The following TNKS variants were observed in gnomAD, a reference collection of about 807,000 sequenced individuals.
TNKS encodes poly [ADP-ribose] polymerase tankyrase-1.
Under a neutral mutation model 135.8 loss-of-function variants are expected in TNKS, and 72 were observed. That is an observed-to-expected ratio of 0.53 (90% CI 0.44 to 0.64). The LOEUF is 0.64. Among genes scored for constraint, TNKS ranks in the 30% least tolerant of loss-of-function variants. The probability of loss-of-function intolerance (pLI) is 0.00; values close to 1 mark genes in which losing one functional copy is unlikely to be tolerated. For synonymous variants in TNKS, 849 were observed against 649.3 expected, an observed-to-expected ratio of 1.31 and a Z score of -4.68; for missense variants, 1,769 against 1,674.0, an observed-to-expected ratio of 1.06 and a Z score of -0.99.
chr8:9,722,775 C>G (rs1370670922), intron 12 of TNKS, among the ~76,000 whole-genome samples: 5 of 152,014 alleles, frequency 3.3e-5, no homozygotes, highest in South Asian at 2.1e-4. Context: ...TATGTTTTAA[C>G]CATAAGTCAG....
At chr8:9,638,119 C>T (rs998055551) in intron 3 of TNKS, among the ~76,000 whole-genome samples, 6 of 152,138 alleles carry the variant, frequency 3.9e-5, no homozygotes, top group African/African-American at 1.2e-4. Flanking sequence ...AGACTATGGG[C>T]GTACGCCACT....
At chr8:9,735,952 T>C (rs1293092471) in intron 17 of TNKS, among the ~76,000 whole-genome samples, 1 of 152,016 alleles carries the variant, frequency 6.6e-6, no homozygotes, top group Non-Finnish European at 1.5e-5. Context: ...TTTTGGTGTA[T>C]CTTCCCGGCT....
intron 13 of TNKS, among the ~76,000 whole-genome samples, chr8:9,729,570 T>C (rs1805323509): frequency 6.6e-6 from 1 of 152,130 alleles, no homozygotes; most frequent in Non-Finnish European, 1.5e-5. Flanking sequence ...GCAGAAAGAC[T>C]AAGAGGTTAA....
chr8:9,694,504 G>A (rs1401794434), intron 5 of TNKS, among the ~76,000 whole-genome samples: 5 of 152,138 alleles, frequency 3.3e-5, no homozygotes, highest in Admixed American at 2.6e-4. Context: ...GCTCACACCT[G>A]TAATCCCAGC....
intron 6 of TNKS, among the ~76,000 whole-genome samples, chr8:9,704,978 G>C (rs1408348518): frequency 6.6e-6 from 1 of 152,044 alleles, no homozygotes; most frequent in African/African-American, 2.4e-5. Flanking sequence ...TCACCGTTCT[G>C]TTACTTGAAG....
At chr8:9,673,442 A>ATTT (rs71201963) in intron 3 of TNKS, among the ~76,000 whole-genome samples, 14 of 125,398 alleles carry the variant, frequency 1.1e-4, no homozygotes, top group East Asian at 2.4e-4. Context: ...TACCTTTTGG[A>ATTT]TTTTTTTTTT....
intron 3 of TNKS, among the ~76,000 whole-genome samples, chr8:9,643,658 G>A (rs1289480549): frequency 1.3e-5 from 2 of 152,208 alleles, no homozygotes; most frequent in East Asian, 1.9e-4. Context: ...TGGGCCCCTT[G>A]AGCACTGTTG....
chr8:9,701,559 AAG>A (rs1450390780), intron 5 of TNKS, among the ~76,000 whole-genome samples: 1 of 152,246 alleles, frequency 6.6e-6, no homozygotes, highest in Non-Finnish European at 1.5e-5. Context: ...AAGATAGAAT[AAG>A]AGGGACTAGA....
chr8:9,654,170 T>C (rs34641612), intron 3 of TNKS, among the ~76,000 whole-genome samples: 65 of 152,308 alleles, frequency 4.3e-4, no homozygotes, highest in African/African-American at 1.4e-3. Context: ...GGTGCTGTGA[T>C]TGGGAACTGC....
intron 20 of TNKS, among the ~76,000 whole-genome samples, chr8:9,758,779 C>G (rs1806986287): frequency 6.6e-6 from 1 of 152,214 alleles, no homozygotes; most frequent in Non-Finnish European, 1.5e-5. Flanking sequence ...TGGAGTATTA[C>G]TTACCTGCTG....
chr8:9,687,691 G>A (rs2128800245), intron 5 of TNKS, among the ~76,000 whole-genome samples: 1 of 152,238 alleles, frequency 6.6e-6, no homozygotes, highest in Admixed American at 6.5e-5. Context: ...CCTCTATTTA[G>A]CCACTCTCCT....
At chr8:9,697,144 C>G (rs1803555001) in intron 5 of TNKS, among the ~76,000 whole-genome samples, 1 of 152,094 alleles carries the variant, frequency 6.6e-6, no homozygotes, top group Non-Finnish European at 1.5e-5. Context: ...AGAAATTAAG[C>G]CACATACCTA....
intron 3 of TNKS, among the ~76,000 whole-genome samples, chr8:9,630,798 T>A (rs79572342): frequency 0.04 from 6,040 of 152,264 alleles, 334 homozygotes; most frequent in African/African-American, 0.13. Flanking sequence ...AAATAACATA[T>A]CAAGAAAGAG....
chr8:9,619,117 T>A (rs1799764130), intron 3 of TNKS, among the ~76,000 whole-genome samples: 1 of 152,224 alleles, frequency 6.6e-6, no homozygotes, highest in Non-Finnish European at 1.5e-5. Context: ...GTGTGCTTCA[T>A]CACATTCAGT....
At position 9,756,644 on chromosome 8, in the gene TNKS, C is replaced by A. The variant is rs979182130; in HGVS notation, c.3153+4018C>A. Among the ~76,000 whole-genome samples, 3 of 152,112 alleles carry A rather than the reference C, an allele frequency of 2.0e-5. No individual in the cohort carries two copies. In the East Asian group the frequency reaches 5.8e-4, roughly 29 times the overall value. On this transcript the variant is annotated intron_variant, in intron 20 of 26. Transcript: ENST00000310430. ...AGCAACATGTCTAAAATCCAACTAA[C>A]CTGCTTTCCATCCAGATATTTCTAT...
chr8:9,658,532 G>C, intron 3 of TNKS: 1 of 407,538 alleles, frequency 2.5e-6, no homozygotes, highest in Non-Finnish European at 4.2e-6. Flanking sequence ...ACAAGCAAAT[G>C]CTGAGAGATT....
intron 13 of TNKS, among the ~76,000 whole-genome samples, chr8:9,729,388 C>G (rs924250009): frequency 6.6e-6 from 1 of 152,124 alleles, no homozygotes; most frequent in African/African-American, 2.4e-5. Flanking sequence ...GAAGTGGCAG[C>G]AAAATTAGTG....
chr8:9,611,225 T>C (rs1585228610), intron 2 of TNKS, among the ~76,000 whole-genome samples: 2 of 152,332 alleles, frequency 1.3e-5, no homozygotes, highest in African/African-American at 4.8e-5. Flanking sequence ...TCACTTACTC[T>C]CTGGAATTTG....
intron 26 of TNKS, among the ~76,000 whole-genome samples, chr8:9,771,850 G>GGGAGAGAGGAAAGAAGGGAA (rs146829675): frequency 1.4e-4 from 4 of 28,104 alleles, no homozygotes; most frequent in African/African-American, 7.4e-4. Context: ...AGGGGAGGGA[G>GGGAGAGAGGAAAGAAGGGAA]GGAGAGAGAG....
Sources: allele counts gnomAD v4.1 joint callset (sites outside exome capture counted in the v4.1 genomes callset), GRCh38; gene constraint gnomAD v4.1.1; transcripts MANE v1.5; gene names NCBI Gene and HGNC (gene_info 2026-07-23, HGNC 2026-07-21).